The following ANO4 variants were observed in gnomAD, a reference collection of about 807,000 sequenced individuals.
ANO4 encodes the protein anoctamin 4.
Under a neutral mutation model 141.9 loss-of-function variants are expected in ANO4, and 69 were observed. That is an observed-to-expected ratio of 0.49 (90% CI 0.40 to 0.59). The LOEUF (loss-of-function observed/expected upper bound fraction) is 0.59, where lower values mean the gene tolerates loss of function less well. ANO4 is among the 20% of genes least tolerant of loss of function. The probability of loss-of-function intolerance (pLI) is 0.00; values close to 1 mark genes in which losing one functional copy is unlikely to be tolerated. For missense variants in ANO4, 894 were observed against 1,162.2 expected, an observed-to-expected ratio of 0.77 and a Z score of 3.36; for synonymous variants, 350 against 394.3, an observed-to-expected ratio of 0.89 and a Z score of 1.33.
chr12:100,840,329 A>G (rs1382982018), intron 1 of ANO4, among the ~76,000 whole-genome samples: 3 of 152,182 alleles, frequency 2.0e-5, no homozygotes, highest in Non-Finnish European at 4.4e-5. Flanking sequence ...TACAAATTAA[A>G]TCTTGATCCT....
At chr12:100,871,570 G>T (rs990180206) in intron 1 of ANO4, among the ~76,000 whole-genome samples, 1 of 152,198 alleles carries the variant, frequency 6.6e-6, no homozygotes, top group Non-Finnish European at 1.5e-5. Flanking sequence ...TGACAGCAAG[G>T]ACTGTTAATT....
chr12:100,756,848 T>C (rs973971677), intron 3 of ANO4, among the ~76,000 whole-genome samples: 7 of 152,168 alleles, frequency 4.6e-5, no homozygotes, highest in African/African-American at 1.7e-4. Flanking sequence ...TCTTTCTTGC[T>C]CTCTCTGCTT....
chr12:101,082,997 G>T (rs916518735), intron 15 of ANO4, among the ~76,000 whole-genome samples: 2 of 152,130 alleles, frequency 1.3e-5, no homozygotes, highest in Non-Finnish European at 2.9e-5. Context: ...AGGAGGCTCA[G>T]CTAAATGAAA....
At chr12:101,115,655 C>T (rs2050823637) in intron 24 of ANO4, among the ~76,000 whole-genome samples, 1 of 152,046 alleles carries the variant, frequency 6.6e-6, no homozygotes. Flanking sequence ...ATGTGTTAAC[C>T]ACAATGTTCA....
intron 11 of ANO4, among the ~76,000 whole-genome samples, chr12:101,041,373 G>A (rs780878512): frequency 6.6e-6 from 1 of 152,138 alleles, no homozygotes; most frequent in Non-Finnish European, 1.5e-5. Flanking sequence ...TTTTCCTTTG[G>A]TCAGACTCAG....
intron 2 of ANO4, among the ~76,000 whole-genome samples, chr12:100,906,452 T>C (rs1013213178): frequency 5.9e-5 from 9 of 152,226 alleles, no homozygotes; most frequent in African/African-American, 2.2e-4. Flanking sequence ...GCACATATCT[T>C]AATAACATTT....
At chr12:100,808,623 T>C (rs889066347) in intron 1 of ANO4, among the ~76,000 whole-genome samples, 5 of 152,218 alleles carry the variant, frequency 3.3e-5, no homozygotes, top group Non-Finnish European at 7.4e-5. Flanking sequence ...TTTTAAAACA[T>C]TATTTGACAT....
chr12:100,964,179 A>G (rs1278973534), intron 5 of ANO4, among the ~76,000 whole-genome samples: 1 of 152,216 alleles, frequency 6.6e-6, no homozygotes, highest in East Asian at 1.9e-4. Context: ...GAGCAAATAC[A>G]TAGTGTGAGC....
intron 7 of ANO4, among the ~76,000 whole-genome samples, chr12:100,980,659 T>C (rs2044418305): frequency 6.6e-6 from 1 of 152,252 alleles, no homozygotes; most frequent in African/African-American, 2.4e-5. Context: ...CTAAGGTTTC[T>C]GAGCAGGCAG....
chr12:100,958,028 T>G (rs1034251246), intron 5 of ANO4, among the ~76,000 whole-genome samples: 87 of 152,176 alleles, frequency 5.7e-4, no homozygotes, highest in African/African-American at 2.0e-3. Context: ...TAAATCATTA[T>G]TTCATGTCCC....
chr12:100,805,879 G>C (rs2034990150), intron 1 of ANO4, among the ~76,000 whole-genome samples: 1 of 152,108 alleles, frequency 6.6e-6, no homozygotes, highest in Non-Finnish European at 1.5e-5. Flanking sequence ...GGAATTGGAG[G>C]ACCATGTGGC....
intron 3 of ANO4, among the ~76,000 whole-genome samples, chr12:100,786,827 T>G (rs2135595998): frequency 6.6e-6 from 1 of 152,312 alleles, no homozygotes; most frequent in South Asian, 2.1e-4. Flanking sequence ...AATGAGCTAA[T>G]TAGAAATCAG....
chr12:100,738,404 G>A (rs1038848131), intron 2 of ANO4, among the ~76,000 whole-genome samples: 5 of 152,038 alleles, frequency 3.3e-5, no homozygotes, highest in African/African-American at 7.3e-5. Flanking sequence ...GTCATAGCTC[G>A]TTTATATCAA....
intron 1 of ANO4, among the ~76,000 whole-genome samples, chr12:100,861,602 A>G (rs2038478547): frequency 6.6e-6 from 1 of 152,200 alleles, no homozygotes; most frequent in Non-Finnish European, 1.5e-5. Flanking sequence ...CTAGGACATT[A>G]CCATATACTA....
intron 8 of ANO4, among the ~76,000 whole-genome samples, chr12:101,016,240 G>A (rs2046312462): frequency 6.6e-6 from 1 of 152,164 alleles, no homozygotes; most frequent in South Asian, 2.1e-4. Context: ...CATGGCACCA[G>A]AATCTGCTCC....
intron 25 of ANO4, among the ~76,000 whole-genome samples, chr12:101,119,244 G>A (rs193052904): frequency 6.6e-6 from 1 of 152,232 alleles, no homozygotes; most frequent in African/African-American, 2.4e-5. Context: ...GATAGCTTAA[G>A]GTCAAGAGTT....
In ANO4 at chr12:100,732,839, C is replaced by T. The variant is rs528242266; in HGVS notation, c.23-935C>T. Among the ~76,000 whole-genome samples the T allele has an allele frequency of 4.6e-5, 7 of 152,184 alleles. No individual in the cohort carries two copies. In the South Asian group the frequency reaches 8.3e-4, roughly 18 times the overall value. ...GTAAGGGTGGCACCTACCTCGTGCA[C>T]GAAATGTTGTGGGTGAAAATGCTGA... On this transcript the variant is annotated intron_variant, in intron 1 of 29. Transcript: ENST00000644049.
At chr12:100,819,216 C>T (rs2035903404) in intron 1 of ANO4, among the ~76,000 whole-genome samples, 1 of 151,688 alleles carries the variant, frequency 6.6e-6, no homozygotes, top group African/African-American at 2.4e-5. Context: ...AAATTTACTA[C>T]TCTGTACTTT....
At chr12:100,909,562 G>T (rs533583234) in intron 2 of ANO4, among the ~76,000 whole-genome samples, 44 of 152,290 alleles carry the variant, frequency 2.9e-4, no homozygotes, top group African/African-American at 1.0e-3. Flanking sequence ...CTGGAACACA[G>T]AAATAAATAA....
Sources: gnomAD v4.1 joint callset for allele counts (sites outside exome capture counted in the v4.1 genomes callset) on GRCh38, gnomAD v4.1.1 for gene constraint, MANE v1.5 for transcripts, NCBI Gene and HGNC (gene_info 2026-07-23, HGNC 2026-07-21) for gene names.